Variants in CIB1 observed in about 807,000 individuals in gnomAD.
The protein encoded by CIB1 is calcium and integrin binding 1.
In CIB1, 19 loss-of-function variants were observed where a neutral mutation model predicts 25.0. The observed-to-expected ratio is 0.76, with a 90% confidence interval of 0.53 to 1.12. The LOEUF (loss-of-function observed/expected upper bound fraction) is 1.12. CIB1 is among the 50% of genes most tolerant of loss of function. The pLI is 0.00. For synonymous variants in CIB1, 104 were observed against 98.5 expected (o/e 1.06, Z -0.33); for missense variants, 236 against 242.6 (o/e 0.97, Z 0.18).
chr15:90,232,929 C>CAA (rs35084096), intron 2 of CIB1, among the ~76,000 whole-genome samples: 12 of 136,244 alleles, frequency 8.8e-5, no homozygotes, highest in South Asian at 2.3e-4. Flanking sequence ...GACGCTGTCT[C>CAA]AAAAAAAAAA....
the CIB1 span, among the ~76,000 whole-genome samples, chr15:90,264,383 G>A: frequency 6.6e-6 from 1 of 152,050 alleles, no homozygotes. Context: ...TTTTTGCCAC[G>A]TAGCCCAGGC....
the CIB1 span, chr15:90,255,988 T>A: frequency 6.3e-7 from 1 of 1,580,438 alleles, no homozygotes; most frequent in Non-Finnish European, 8.6e-7. Flanking sequence ...GGGATGGAAG[T>A]GGAATGAGAA....
intron 4 of CIB1, 23 bp downstream of exon 4, chr15:90,231,334 G>A: frequency 3.1e-6 from 5 of 1,612,006 alleles, no homozygotes; most frequent in Non-Finnish European, 2.5e-6. Context: ...GTGGTGTCCT[G>A]CCGGGCTGCT....
chr15:90,234,197 C>G, upstream of CIB1: 1 of 297,448 alleles, frequency 3.4e-6, no homozygotes, highest in Non-Finnish European at 6.3e-6. Flanking sequence ...CGCGCGCGTG[C>G]GTGCTGGCTG....
At chr15:90,230,699 C>T (rs929818647) in intron 6 of CIB1, among the ~76,000 whole-genome samples, 194 bp from the exon 7 acceptor site, 3 of 151,884 alleles carry the variant, frequency 2.0e-5, no homozygotes, top group Admixed American at 6.6e-5. Flanking sequence ...GCTTCTAAAC[C>T]TTTATTACTA....
At chr15:90,248,170 A>G in the CIB1 span, among the ~76,000 whole-genome samples, 1 of 152,138 alleles carries the variant, frequency 6.6e-6, no homozygotes, top group Non-Finnish European at 1.5e-5. Context: ...TCTTCCTAGT[A>G]GCTGGGACTA....
At chr15:90,233,633 C>A in intron 2 of CIB1, 36 bp downstream of exon 2, 2 of 1,562,124 alleles carry the variant, frequency 1.3e-6, no homozygotes, top group South Asian at 1.2e-5. Context: ...TCTAGAGGAT[C>A]CCGGGGTCGG....
the CIB1 span, among the ~76,000 whole-genome samples, chr15:90,253,865 T>G: frequency 0.018 from 2,734 of 152,326 alleles, 91 homozygotes; most frequent in African/African-American, 0.062. Flanking sequence ...ATTGGGCGTT[T>G]GTGGTGATCA....
the CIB1 span, among the ~76,000 whole-genome samples, chr15:90,259,727 T>A: frequency 6.6e-6 from 1 of 152,326 alleles, no homozygotes; most frequent in African/African-American, 2.4e-5. Flanking sequence ...AACCAGTTCC[T>A]GAGAAACTTT....
chr15:90,265,661 C>A, the CIB1 span: 13 of 1,603,800 alleles, frequency 8.1e-6, no homozygotes, highest in South Asian at 1.4e-4. Flanking sequence ...TCTTACCCGG[C>A]TACTTCCGCT....
At chr15:90,257,612 G>A in the CIB1 span, 2 of 1,610,742 alleles carry the variant, frequency 1.2e-6, no homozygotes, top group Middle Eastern at 1.7e-4. Context: ...GACAGTCTGA[G>A]ACCACAGGGC....
chr15:90,262,766 A>G, the CIB1 span: 3 of 1,264,668 alleles, frequency 2.4e-6, no homozygotes, highest in East Asian at 2.6e-5. Flanking sequence ...CTCCCCATGC[A>G]CAAGAGAGAG....
chr15:90,255,955 T>A, the CIB1 span: 4 of 1,607,880 alleles, frequency 2.5e-6, no homozygotes, highest in East Asian at 4.5e-5. Flanking sequence ...AGCTCTGGTC[T>A]TGTGACCTAG....
Position 90,230,382 on chromosome 15 carries a change from G to C in CIB1, c.*102C>G. 1 of 1,418,530 alleles carries C rather than the reference G, an allele frequency of 7.0e-7. No homozygotes were observed. The highest frequency in any genetic ancestry group is 1.2e-5 in the South Asian group (1 of 81,040). The allele number at this position is 1,418,530 out of a possible 1,614,324, so 87.9% of individuals were successfully genotyped here. A position where few individuals can be genotyped will look rare whatever the true frequency, so the allele number is the denominator to read the frequency against. On this transcript the variant is annotated 3_prime_UTR_variant, in exon 7 of 7. Transcript: ENST00000328649. ...GCTGCACAGCGCCAGCTCCAGGCTGGGCCAGCTTGGCCCGCACTGGCAACA... is the reference window on the plus strand; with the variant it reads ...GCTGCACAGCGCCAGCTCCAGGCTGCGCCAGCTTGGCCCGCACTGGCAACA...
the CIB1 span, chr15:90,257,923 T>C: frequency 9.3e-7 from 1 of 1,073,046 alleles, no homozygotes; most frequent in Non-Finnish European, 1.4e-6. Flanking sequence ...TCCAAACTGC[T>C]AGCAGCCCTT....
chr15:90,240,865 C>CGTAA, the CIB1 span: 1 of 1,334,090 alleles, frequency 7.5e-7, no homozygotes, highest in African/African-American at 1.5e-5. Flanking sequence ...AGGTGGGTTA[C>CGTAA]CATCATGTGT....
the CIB1 span, chr15:90,253,117 G>C: frequency 3.4e-6 from 2 of 590,582 alleles, no homozygotes; most frequent in Admixed American, 5.5e-5. Context: ...AAAGTACAGG[G>C]CTGAGGCAAG....
chr15:90,233,724 G>C, intron 1 of CIB1, 21 bp from the exon 2 acceptor site: 2 of 1,565,240 alleles, frequency 1.3e-6, no homozygotes, highest in Non-Finnish European at 1.7e-6. Context: ...AAGCCAGAGC[G>C]GGGATTAGCG....
upstream of CIB1, chr15:90,238,590 C>G (rs1238719367): frequency 1.3e-5 from 2 of 152,174 alleles, no homozygotes; most frequent in African/African-American, 4.8e-5. Flanking sequence ...CAGTGGCAGA[C>G]CCCTCTCCCT....
Sources: gnomAD v4.1 joint callset for allele counts (sites outside exome capture counted in the v4.1 genomes callset) on GRCh38, gnomAD v4.1.1 for gene constraint, MANE v1.5 for transcripts, NCBI Gene and HGNC (gene_info 2026-07-23, HGNC 2026-07-21) for gene names.